The following GARIN1B variants were observed in gnomAD, a reference collection of about 807,000 sequenced individuals.
GARIN1B encodes golgi associated RAB2 interactor 1B, also known as Golgi-associated RAB2 interactor protein 1B.
the GARIN1B span, among the ~76,000 whole-genome samples, chr7:128,717,995 C>T: frequency 6.6e-6 from 1 of 152,130 alleles, no homozygotes; most frequent in Non-Finnish European, 1.5e-5. Context: ...GTACCTCTAG[C>T]AAGTACCACC....
chr7:128,723,440 C>G, the GARIN1B span: 3 of 1,218,272 alleles, frequency 2.5e-6, no homozygotes, highest in Non-Finnish European at 1.1e-6. Flanking sequence ...TGACCAGGCA[C>G]GGTGGCTCAC....
At chr7:128,726,767 A>G in the GARIN1B span, 1 of 1,586,002 alleles carries the variant, frequency 6.3e-7, no homozygotes, top group Non-Finnish European at 8.7e-7. Flanking sequence ...CTGAAATACA[A>G]ATTTAATGTT....
At chr7:128,724,938 G>A in the GARIN1B span, 9 of 1,151,158 alleles carry the variant, frequency 7.8e-6, no homozygotes, top group Admixed American at 9.9e-5. Flanking sequence ...TGAGCATATC[G>A]AAACCTGGGG....
chr7:128,730,892 C>A, the GARIN1B span, among the ~76,000 whole-genome samples: 10 of 152,168 alleles, frequency 6.6e-5, no homozygotes, highest in Non-Finnish European at 1.5e-4. Flanking sequence ...GAACTCTCAA[C>A]CTCAGGTGAT....
chr7:128,719,137 C>T, the GARIN1B span: 4 of 1,579,298 alleles, frequency 2.5e-6, no homozygotes, highest in African/African-American at 4.0e-5. Flanking sequence ...CAAGGTAGAG[C>T]TTAACCCAGC....
chr7:128,731,044 A>C, the GARIN1B span: 3 of 1,505,296 alleles, frequency 2.0e-6, no homozygotes, highest in Non-Finnish European at 2.8e-6. Context: ...TGCCCACAAA[A>C]GAGCTTTTTA....
At chr7:128,727,572 C>G in the GARIN1B span, among the ~76,000 whole-genome samples, 1 of 152,202 alleles carries the variant, frequency 6.6e-6, no homozygotes, top group African/African-American at 2.4e-5. Flanking sequence ...TAGTTCACCC[C>G]AAATCCACTC....
chr7:128,730,809 G>A, the GARIN1B span, among the ~76,000 whole-genome samples: 1 of 152,102 alleles, frequency 6.6e-6, no homozygotes, highest in Non-Finnish European at 1.5e-5. Context: ...ACCACGCCCA[G>A]CTAATTTTTG....
chr7:128,726,987 C>T, the GARIN1B span: 1 of 866,280 alleles, frequency 1.2e-6, no homozygotes, highest in Non-Finnish European at 1.8e-6. Context: ...TGCCATTGTC[C>T]TTCCATGCCT....
chr7:128,723,613 G>A, the GARIN1B span, among the ~76,000 whole-genome samples: 18 of 148,834 alleles, frequency 1.2e-4, no homozygotes, highest in East Asian at 2.0e-4. Context: ...GGGTTCAAGC[G>A]ATTCTCCCGC....
At chr7:128,729,845 C>A in the GARIN1B span, 52 of 1,572,760 alleles carry the variant, frequency 3.3e-5, 1 homozygote, top group Middle Eastern at 5.1e-4. Context: ...TCAGCTGTAA[C>A]CTGTAAGGGC....
the GARIN1B span, among the ~76,000 whole-genome samples, chr7:128,722,923 A>G: frequency 7.2e-5 from 11 of 152,360 alleles, 1 homozygote; most frequent in South Asian, 2.3e-3. Flanking sequence ...TTCATACATT[A>G]TATTAAGGTA....
At chr7:128,728,793 G>T in the GARIN1B span, among the ~76,000 whole-genome samples, 3 of 152,326 alleles carry the variant, frequency 2.0e-5, no homozygotes, top group East Asian at 5.8e-4. Flanking sequence ...TCAGCCTGGA[G>T]GCTGCCAGCT....
chr7:128,719,958 C>G, the GARIN1B span, among the ~76,000 whole-genome samples: 1 of 151,906 alleles, frequency 6.6e-6, no homozygotes, highest in African/African-American at 2.4e-5. Context: ...CCTCGGCCCA[C>G]CAAAGTGCTG....
At chr7:128,723,529 A>T in the GARIN1B span, 2 of 334,274 alleles carry the variant, frequency 6.0e-6, no homozygotes, top group Non-Finnish European at 1.1e-5. Flanking sequence ...CCTGGCCTCG[A>T]TATACTGCCA....
chr7:128,729,943 G>A, the GARIN1B span: 6 of 1,614,078 alleles, frequency 3.7e-6, no homozygotes, highest in Non-Finnish European at 3.4e-6. Context: ...TTGCACCTGT[G>A]ACCTACGTTG....
At chr7:128,726,936 C>T in the GARIN1B span, 1 of 1,408,358 alleles carries the variant, frequency 7.1e-7, no homozygotes, top group Non-Finnish European at 1.0e-6. Context: ...GAATAAGATC[C>T]CCTCCAGCCC....
At chr7:128,711,082 T>C in the GARIN1B span, among the ~76,000 whole-genome samples, 1 of 152,226 alleles carries the variant, frequency 6.6e-6, no homozygotes, top group Admixed American at 6.5e-5. Flanking sequence ...GAGAAGAGTC[T>C]TGTCAAATAT....
the GARIN1B span, among the ~76,000 whole-genome samples, chr7:128,716,049 G>T: frequency 6.6e-6 from 1 of 152,226 alleles, no homozygotes; most frequent in Non-Finnish European, 1.5e-5. Context: ...ATTGGCGAAA[G>T]AACAGCACCT....
Sources: gnomAD v4.1 joint callset for allele counts (sites outside exome capture counted in the v4.1 genomes callset) on GRCh38, gnomAD v4.1.1 for gene constraint, MANE v1.5 for transcripts, NCBI Gene and HGNC (gene_info 2026-07-23, HGNC 2026-07-21) for gene names.